Variants in UBE2J2 observed in about 807,000 individuals in gnomAD.
UBE2J2 encodes ubiquitin conjugating enzyme E2 J2.
UBE2J2 carries 5 observed loss-of-function variants against 28.6 expected under a neutral mutation model. That is an observed-to-expected ratio of 0.17 (90% confidence interval 0.09 to 0.37). UBE2J2 has a LOEUF of 0.37. Ranked by LOEUF, UBE2J2 falls within the 10% of genes least tolerant of loss-of-function variation. The pLI is 1.00. For synonymous variants in UBE2J2, 138 were observed against 139.7 expected (o/e 0.99, Z 0.09); for missense variants, 226 against 338.9 (o/e 0.67, Z 2.62).
intron 1 of UBE2J2, among the ~76,000 whole-genome samples, chr1:1,271,000 C>G (rs1191643746): frequency 6.6e-6 from 1 of 152,250 alleles, no homozygotes; most frequent in African/African-American, 2.4e-5. Flanking sequence ...CCCGGCATAG[C>G]CAGAGCCACC....
rs188339906 is a variant in UBE2J2 at position 1,262,216 on chromosome 1, C to T, written c.172+1130G>A. ...ATCAGCTGAAGGCACACACACGCAT[C>T]GTAACAAGTACTTTAACACGCCCTG... is the stretch of plus-strand genomic sequence containing the variant. On this transcript the variant is annotated intron_variant, in intron 3 of 6. Coordinates refer to ENST00000349431, the MANE Select transcript of UBE2J2 (RefSeq NM_058167.3). 1.4e-4 allele frequency: 57 copies of T among 418,706 alleles called. 2 individuals are homozygous for T. In the East Asian group the frequency reaches 3.7e-3, roughly 27 times the overall value. 25.9% of individuals were successfully genotyped at this position (418,706 alleles called of 1,614,324 possible). A position where few individuals can be genotyped will look rare whatever the true frequency, so the allele number is the denominator to read the frequency against.
At chr1:1,271,845 G>A (rs1376159104) in intron 1 of UBE2J2, among the ~76,000 whole-genome samples, 1 of 151,984 alleles carries the variant, frequency 6.6e-6, no homozygotes, top group East Asian at 1.9e-4. Flanking sequence ...ATGGTGGCAT[G>A]TGCCTGTAAT....
chr1:1,260,302 G>A (rs1026222070), intron 3 of UBE2J2, among the ~76,000 whole-genome samples: 1 of 152,260 alleles, frequency 6.6e-6, no homozygotes, highest in African/African-American at 2.4e-5. Flanking sequence ...TTGCTTAAAA[G>A]AGGAAGCGGG....
intron 2 of UBE2J2, among the ~76,000 whole-genome samples, chr1:1,266,950 G>A (rs1427663215): frequency 6.6e-6 from 1 of 151,958 alleles, no homozygotes; most frequent in Admixed American, 6.5e-5. Context: ...GTGCAGTGGT[G>A]TGATCTCAGC....
Position 1,255,069 on chromosome 1 carries a change from C to T in UBE2J2, c.*134G>A, listed in dbSNP as rs1639090036. ...AGTCACACATTTTGGTTTTTGCTTCCCCTTTCAGGTTTTTAAAAGCTAAAC... is the reference window on the plus strand; with the variant it reads ...AGTCACACATTTTGGTTTTTGCTTCTCCTTTCAGGTTTTTAAAAGCTAAAC... On this transcript the variant is annotated 3_prime_UTR_variant, in exon 7 of 7. Transcript: ENST00000349431. 2 of 1,072,674 alleles carry T rather than the reference C, an allele frequency of 1.9e-6. No homozygotes were observed. The highest frequency in any genetic ancestry group is 1.8e-5 in the South Asian group (1 of 56,958). 66.4% of individuals were successfully genotyped at this position (1,072,674 alleles called of 1,614,324 possible). A position where few individuals can be genotyped will look rare whatever the true frequency, so the allele number is the denominator to read the frequency against.
Position 1,255,351 on chromosome 1 carries a change from C to A in UBE2J2, c.632G>T (p.Gly211Val). Residue 211 changes from glycine (G) to valine (V), a missense_variant, in exon 7 of 7, where the codon GGG (glycine) becomes GTG (valine). Coordinates refer to ENST00000349431, the MANE Select transcript of UBE2J2 (RefSeq NM_058167.3). ...GIQLLNGHAPGAVPNLAGLQQ... is the reference protein window; with the variant it reads ...GIQLLNGHAPVAVPNLAGLQQ... ...GAGCCCTGCGAGGTTTGGGACGGCC[C>A]CCGGCGCATGCCCGTTGAGCAGCTG... The A allele has an allele frequency of 6.2e-7, 1 of 1,613,798 alleles. No homozygotes were observed. Among genetic ancestry groups the A allele is most frequent in the Admixed American group, 1.7e-5 (1 of 60,030 alleles).
intron 5 of UBE2J2, 123 bp from the exon 6 acceptor site, chr1:1,256,248 C>T (rs576859352): frequency 6.0e-6 from 4 of 669,486 alleles, no homozygotes; most frequent in Non-Finnish European, 1.0e-5. Context: ...TTAATAAGCA[C>T]ACTCTTCACA....
At chr1:1,262,152 C>T (rs771471674) in intron 3 of UBE2J2, 104 of 333,974 alleles carry the variant, frequency 3.1e-4, no homozygotes, top group South Asian at 2.0e-3. Context: ...CCACCGCGCC[C>T]GGCCGACCAC....
intron 3 of UBE2J2, among the ~76,000 whole-genome samples, chr1:1,259,127 G>T (rs1192818059): frequency 4.2e-5 from 6 of 141,858 alleles, no homozygotes; most frequent in Admixed American, 6.8e-5. Context: ...CAGGACGCAC[G>T]TGTGTGCATG....
intron 3 of UBE2J2, among the ~76,000 whole-genome samples, chr1:1,260,853 G>A (rs987119436): frequency 2.0e-5 from 3 of 152,222 alleles, no homozygotes; most frequent in African/African-American, 7.2e-5. Flanking sequence ...AGCTTGTGTA[G>A]TATAAAAAAC....
intron 3 of UBE2J2, among the ~76,000 whole-genome samples, chr1:1,260,254 G>A (rs1487161410): frequency 6.6e-6 from 1 of 152,252 alleles, no homozygotes; most frequent in Non-Finnish European, 1.5e-5. Context: ...GAGATCATAA[G>A]GAAAGGCCAA....
chr1:1,266,498 C>T (rs891391179), intron 2 of UBE2J2, among the ~76,000 whole-genome samples: 13 of 151,734 alleles, frequency 8.6e-5, no homozygotes, highest in South Asian at 2.1e-4. Flanking sequence ...TGCACTCCAG[C>T]CTGGGCGACA....
At chr1:1,257,456 T>C (rs1639271843) in intron 3 of UBE2J2, 146 bp from the exon 4 acceptor site, 2 of 511,312 alleles carry the variant, frequency 3.9e-6, no homozygotes, top group African/African-American at 2.4e-5. Flanking sequence ...CCCAGCCGGC[T>C]CCCAGGCTCA....
chr1:1,254,980 C>T lies in UBE2J2; in HGVS notation c.*223G>A. 2 of 509,686 alleles carry T rather than the reference C, an allele frequency of 3.9e-6. No individual in the cohort carries two copies. Among genetic ancestry groups the T allele is most frequent in the Non-Finnish European group, 6.9e-6 (2 of 290,810 alleles). 31.6% of individuals were successfully genotyped at this position (509,686 alleles called of 1,614,324 possible). A position where few individuals can be genotyped will look rare whatever the true frequency, so the allele number is the denominator to read the frequency against. Reference sequence around the variant, plus strand: ...CTACAAATCCAGCACACAAGGCCCACCCACACCAGCCCCAGCGGCCCGTGG... The same window carrying T: ...CTACAAATCCAGCACACAAGGCCCATCCACACCAGCCCCAGCGGCCCGTGG... On this transcript the variant is annotated 3_prime_UTR_variant, in exon 7 of 7. Coordinates refer to ENST00000349431, the MANE Select transcript of UBE2J2 (RefSeq NM_058167.3).
chr1:1,259,862 C>T (rs769279705), intron 3 of UBE2J2, among the ~76,000 whole-genome samples: 3 of 152,216 alleles, frequency 2.0e-5, no homozygotes, highest in Non-Finnish European at 4.4e-5. Context: ...GTGTGCAGAA[C>T]GCCCTGGACC....
At chr1:1,264,259 C>T (rs923493641) in intron 2 of UBE2J2, among the ~76,000 whole-genome samples, 6 of 152,186 alleles carry the variant, frequency 3.9e-5, no homozygotes, top group African/African-American at 7.2e-5. Context: ...AGCAGCAAAT[C>T]GACTAAACAC....
chr1:1,266,298 T>G, intron 2 of UBE2J2: 1 of 769,478 alleles, frequency 1.3e-6, no homozygotes, highest in Non-Finnish European at 1.8e-6. Context: ...TCTCTGGAAT[T>G]AAAAAAAATT....
At chr1:1,263,303 TAAAA>T in intron 3 of UBE2J2, 39 bp downstream of exon 3, 4 of 1,585,570 alleles carry the variant, frequency 2.5e-6, no homozygotes, top group Non-Finnish European at 3.5e-6. Context: ...ACTGAGAATA[TAAAA>T]ACCGCCTGGT....
chr1:1,264,364 G>C lies in UBE2J2; in HGVS notation c.132-978C>G, dbSNP rs189609701. Among the ~76,000 whole-genome samples, 15 of 152,356 alleles carry C rather than the reference G, an allele frequency of 9.8e-5. No homozygotes were observed. In the East Asian group the frequency reaches 2.9e-3, roughly 29 times the overall value. ...GAAACAGAAGAGCACAGAGAAGAAA[G>C]TAAAACCAGCTAGAAATGCCAGAAA... On this transcript the variant is annotated intron_variant, in intron 2 of 6. Transcript: ENST00000349431.
Sources: gnomAD v4.1 joint callset for allele counts (sites outside exome capture counted in the v4.1 genomes callset) on GRCh38, gnomAD v4.1.1 for gene constraint, MANE v1.5 for transcripts, NCBI Gene and HGNC (gene_info 2026-07-23, HGNC 2026-07-21) for gene names.